Variants in MYO15B observed in about 807,000 individuals in gnomAD.
MYO15B encodes the protein myosin XVB pseudogene.
A neutral mutation model predicts 119.3 loss-of-function variants in MYO15B; 207 were observed. The observed-to-expected ratio is 1.73, with a 90% CI of 1.55 to 1.95. The LOEUF is 1.95. Among genes scored for constraint, MYO15B ranks in the 30% most tolerant of loss-of-function variants. MYO15B has a pLI of 0.00. For missense variants in MYO15B, 2,264 were observed against 1,203.1 expected, an observed-to-expected ratio of 1.88 and a Z score of -13.04; for synonymous variants, 966 against 498.9, an observed-to-expected ratio of 1.94 and a Z score of -12.48.
At chr17:75,619,828 G>C in intron 46 of MYO15B, 29 bp downstream of exon 46, 1 of 702,390 alleles carries the variant, frequency 1.4e-6, no homozygotes, top group African/African-American at 1.7e-5. Context: ...CTGGGCTAGA[G>C]GTGGGGGCAG....
chr17:75,604,180 C>A (rs1237330620), intron 19 of MYO15B, among the ~76,000 whole-genome samples: 1 of 152,100 alleles, frequency 6.6e-6, no homozygotes, highest in Non-Finnish European at 1.5e-5. Flanking sequence ...CATCTGGAAA[C>A]CTACCAGCTA....
Position 75,613,379 on chromosome 17 carries a change from CG to C in MYO15B, c.5059del (p.Ala1687ProfsTer85). On this transcript the variant is annotated frameshift_variant, in exon 28 of 64. Transcript: ENST00000645453. LOFTEE classifies it high-confidence loss of function. ...GCCTTGGAGCAGTCGCAGCTGGCCTCGGGGGCCACTCGGGCCCACCCCCCGA... is the reference window on the plus strand; with the variant it reads ...GCCTTGGAGCAGTCGCAGCTGGCCTCGGGGCCACTCGGGCCCACCCCCCGA... The C allele has an allele frequency of 4.5e-6, 3 of 671,872 alleles. No homozygotes were observed. Among genetic ancestry groups the C allele is most frequent in the Non-Finnish European group, 8.0e-6 (3 of 375,258 alleles). The allele number at this position is 671,872 out of a possible 1,614,324, so 41.6% of individuals were successfully genotyped here.
At chr17:75,602,053 G>T (rs778385642) in intron 15 of MYO15B, among the ~76,000 whole-genome samples, 4 of 152,134 alleles carry the variant, frequency 2.6e-5, no homozygotes, top group African/African-American at 4.8e-5. Flanking sequence ...GGAACTGGGG[G>T]TGGGGGAGCG....
At chr17:75,592,282 C>A (rs1211823389) in exon 7 of MYO15B, 5 of 702,776 alleles carry the variant, frequency 7.1e-6, no homozygotes, top group African/African-American at 5.2e-5. Context: ...CTACTTGAGA[C>A]CTCCAGGGTG....
chr17:75,603,926 G>A (rs2057450176), intron 19 of MYO15B, among the ~76,000 whole-genome samples: 2 of 152,208 alleles, frequency 1.3e-5, no homozygotes, highest in South Asian at 4.1e-4. Context: ...GAGGGAGCAG[G>A]TGGAGTCACT....
At chr17:75,611,264 CCA>C (rs1261086949) in intron 23 of MYO15B, among the ~76,000 whole-genome samples, 4 of 151,842 alleles carry the variant, frequency 2.6e-5, no homozygotes, top group African/African-American at 9.7e-5. Context: ...GAATTTGAGA[CCA>C]GCCTGGGCAA....
Position 75,624,914 on chromosome 17 carries a change from CAGGTCAGCCT to C in MYO15B, c.8687_8688+8del. On this transcript the variant is annotated splice_donor_variant and splice_donor_5th_base_variant and coding_sequence_variant and intron_variant, in exon 59 of 64. Transcript: ENST00000645453. LOFTEE classifies it high-confidence loss of function. ...CACCTACATCAGCACCCACTACAGC[CAGGTCAGCCT>C]GCCTGCCTCCGAGCTGCTGCTGCAG... The C allele has an allele frequency of 2.8e-6, 2 of 702,646 alleles. No individual in the cohort carries two copies. Among genetic ancestry groups the C allele is most frequent in the Non-Finnish European group, 5.2e-6 (2 of 384,688 alleles). The allele number at this position is 702,646 out of a possible 1,614,324, so 43.5% of individuals were successfully genotyped here.
chr17:75,613,774 G>A, exon 29 of MYO15B: 1 of 701,922 alleles, frequency 1.4e-6, no homozygotes, highest in South Asian at 1.5e-5. Context: ...ATCCTGCAGA[G>A]CAGGTATGGG....
At chr17:75,598,540 A>AAAG (rs144734746) in intron 14 of MYO15B, among the ~76,000 whole-genome samples, 94,493 of 142,846 alleles carry the variant, frequency 0.66, 31,915 homozygotes, top group East Asian at 0.77. Context: ...AAAAAAAAAA[A>AAAG]AAAAAAGAAA....
intron 53 of MYO15B, among the ~76,000 whole-genome samples, chr17:75,622,292 C>T (rs1182761697): frequency 1.3e-5 from 2 of 152,270 alleles, no homozygotes; most frequent in South Asian, 4.1e-4. Flanking sequence ...AGTGAGAGGT[C>T]ACTGGAGAGT....
intron 41 of MYO15B, 101 bp from the exon 42 acceptor site, chr17:75,617,709 C>G (rs2058463228): frequency 9.8e-6 from 6 of 613,006 alleles, no homozygotes; most frequent in Non-Finnish European, 1.8e-5. Flanking sequence ...AGAGCCGGGC[C>G]CTTGGAAGGC....
At chr17:75,595,109 CT>C (rs2056769456) in intron 12 of MYO15B, 137 bp downstream of exon 12, 2 of 622,658 alleles carry the variant, frequency 3.2e-6, no homozygotes, top group South Asian at 3.7e-5. Flanking sequence ...TTCAGGGCTC[CT>C]TCTGCATCTG....
intron 14 of MYO15B, among the ~76,000 whole-genome samples, chr17:75,599,895 AAATAAT>A (rs139880034): frequency 4.6e-4 from 67 of 145,530 alleles, no homozygotes; most frequent in African/African-American, 1.0e-3. Context: ...ACTCGTCTCA[AAATAAT>A]AATAATAATA....
chr17:75,601,245 C>T (rs1275059099), intron 14 of MYO15B, among the ~76,000 whole-genome samples, 193 bp from the exon 15 acceptor site: 2 of 152,080 alleles, frequency 1.3e-5, no homozygotes, highest in Middle Eastern at 3.2e-3. Context: ...CACTAGGTTG[C>T]CCAGGCTGAT....
rs570333172 is a variant in MYO15B, at chr17:75,621,040, C to T, written c.7735C>T (p.His2579Tyr). The T allele has an allele frequency of 9.0e-5, 63 of 702,870 alleles. 1 individual carries two copies. In the South Asian group the frequency reaches 9.2e-4, roughly 10 times the overall value. The allele number at this position is 702,870 out of a possible 1,614,324, so 43.5% of individuals were successfully genotyped here. A position where few individuals can be genotyped will look rare whatever the true frequency, so the allele number is the denominator to read the frequency against. The change falls in exon 50 of 64, where the codon CAC becomes TAC. Residue 2579 changes from histidine to tyrosine, a missense_variant. Physicochemically the swap from His to Tyr is moderately conservative, Grantham distance 83. Coordinates refer to ENST00000645453, the Ensembl canonical transcript of MYO15B. ...TTTCTTGTGATCCCAGCGCCCTGCC[C>T]ACCCTTGGAGCCAGGCACACAGTGA...
Position 75,603,023 on chromosome 17 carries a change from C to G in MYO15B, c.3846-9C>G. 1.4e-6 allele frequency: 1 copy of G among 703,338 alleles called. No homozygotes were observed. Among genetic ancestry groups the G allele is most frequent in the South Asian group, 1.5e-5 (1 of 67,604 alleles). 43.6% of individuals were successfully genotyped at this position (703,338 alleles called of 1,614,324 possible). The stretch of plus-strand genomic sequence containing the variant: ...TCTGTGCCCGAGTGACCCCTCTTTC[C>G]CTCATCAGGAGCCATGTCTATTTCA... On this transcript the variant is annotated splice_polypyrimidine_tract_variant and intron_variant, in intron 17 of 63. Transcript: ENST00000645453.
intron 12 of MYO15B, 67 bp downstream of exon 12, chr17:75,595,039 C>G (rs1192026814): frequency 1.0e-5 from 7 of 683,832 alleles, no homozygotes; most frequent in Non-Finnish European, 1.9e-5. Context: ...TCTGGGACCC[C>G]CACAGCTCCA....
rs980028684 is a variant in MYO15B, at chr17:75,603,181, G to T, written c.3892-7G>T. 5 of 702,994 alleles carry T rather than the reference G, an allele frequency of 7.1e-6. No homozygotes were observed. The highest frequency in any genetic ancestry group is 2.0e-5 in the Admixed American group (1 of 49,998). The allele number at this position is 702,994 out of a possible 1,614,324, so 43.5% of individuals were successfully genotyped here. ...CAGCTGTCTTTGGCTCTGTCTTGTG[G>T]CCACAGCTTCCAGGCCTCTTTGACG... On this transcript the variant is annotated splice_polypyrimidine_tract_variant and splice_region_variant and intron_variant, in intron 18 of 63. Transcript: ENST00000645453.
exon 5 of MYO15B, chr17:75,591,646 C>T (rs768936399): frequency 1.4e-5 from 10 of 702,708 alleles, no homozygotes; most frequent in South Asian, 3.0e-5. Flanking sequence ...AGACGGAAGC[C>T]GCCAAAAAGA....
Sources: gnomAD v4.1 joint callset for allele counts (sites outside exome capture counted in the v4.1 genomes callset) on GRCh38, gnomAD v4.1.1 for gene constraint, MANE v1.5 for transcripts, NCBI Gene and HGNC (gene_info 2026-07-23, HGNC 2026-07-21) for gene names.